Variants in TANC1 observed in about 807,000 individuals in gnomAD.
TANC1 encodes the protein tetratricopeptide repeat, ankyrin repeat and coiled-coil containing 1.
TANC1 carries 77 observed loss-of-function variants against 149.7 expected under a neutral mutation model. The ratio of observed to expected loss-of-function variants is 0.51; its 90% CI spans 0.43 to 0.62. The LOEUF (loss-of-function observed/expected upper bound fraction) is 0.62, where lower values mean the gene tolerates loss of function less well. Among genes scored for constraint, TANC1 ranks in the 20% least tolerant of loss-of-function variants. The pLI is 0.00. For synonymous variants in TANC1, 854 were observed against 925.0 expected, an observed-to-expected ratio of 0.92 and a Z score of 1.39; for missense variants, 1,985 against 2,321.8, an observed-to-expected ratio of 0.85 and a Z score of 2.98.
At chr2:158,993,156 A>G (rs1439852919) in intron 1 of TANC1, among the ~76,000 whole-genome samples, 1 of 152,238 alleles carries the variant, frequency 6.6e-6, no homozygotes, top group Non-Finnish European at 1.5e-5. Context: ...GAAAGGAGTC[A>G]GATTAAACGG....
chr2:159,228,932 T>G (rs768823924), intron 26 of TANC1, 36 bp downstream of exon 26: 1 of 1,559,498 alleles, frequency 6.4e-7, no homozygotes, highest in Non-Finnish European at 8.8e-7. Flanking sequence ...CTAGAGCTTT[T>G]TTTCTTGTGG....
intron 1 of TANC1, among the ~76,000 whole-genome samples, chr2:158,977,629 T>A (rs1206824088): frequency 1.3e-5 from 2 of 150,922 alleles, no homozygotes; most frequent in Admixed American, 1.3e-4. Context: ...TTTTTTTTTT[T>A]AACTGATAGT....
At chr2:159,219,126 T>C in intron 20 of TANC1, 112 bp from the exon 21 acceptor site, 1 of 1,424,012 alleles carries the variant, frequency 7.0e-7, no homozygotes, top group Non-Finnish European at 9.8e-7. Flanking sequence ...AACTTACAGA[T>C]TTTTGAAAGA....
At chr2:159,195,551 T>G (rs547376875) in intron 17 of TANC1, among the ~76,000 whole-genome samples, 1 of 152,388 alleles carries the variant, frequency 6.6e-6, no homozygotes, top group East Asian at 1.9e-4. Flanking sequence ...AATTATCTTT[T>G]GTCTTTTAAT....
chr2:159,019,033 C>CA (rs1489695869), intron 2 of TANC1, among the ~76,000 whole-genome samples: 3 of 152,262 alleles, frequency 2.0e-5, no homozygotes, highest in Non-Finnish European at 2.9e-5. Flanking sequence ...CATTGACACT[C>CA]ATGCTAGCTC....
intron 3 of TANC1, among the ~76,000 whole-genome samples, chr2:159,091,413 T>C (rs765303760): frequency 4.6e-5 from 7 of 152,306 alleles, no homozygotes; most frequent in African/African-American, 1.7e-4. Flanking sequence ...AAAAAGAGCA[T>C]TTATTTTAAA....
At chr2:159,144,822 T>A (rs1285737660) in intron 5 of TANC1, among the ~76,000 whole-genome samples, 1 of 152,140 alleles carries the variant, frequency 6.6e-6, no homozygotes, top group African/African-American at 2.4e-5. Flanking sequence ...AGAGGATAAG[T>A]GAGAAGCAGG....
At chr2:159,128,053 A>G (rs138589852) in intron 4 of TANC1, among the ~76,000 whole-genome samples, 28 of 152,352 alleles carry the variant, frequency 1.8e-4, no homozygotes, top group Non-Finnish European at 3.8e-4. Flanking sequence ...GAGTGGTGTT[A>G]GGTGACTTTT....
At position 159,194,334 on chromosome 2, in the gene TANC1, C is replaced by T. The variant is rs201860716; in HGVS notation, c.2820C>T (p.Cys940=). The change falls in exon 17 of 27, where the codon TGC becomes TGT. Residue 940 remains cysteine (C), a synonymous_variant. Transcript: ENST00000263635. ...TEVLNNAPIL[C]VQSHLGHEEV... The stretch of plus-strand genomic sequence containing the variant: ...TGTTAAATAATGCCCCAATCCTGTG[C>T]GTCCAGTCTCACCTTGGCCACGAGG... 9.3e-6 allele frequency: 15 copies of T among 1,614,250 alleles called. No individual in the cohort carries two copies. Among genetic ancestry groups the T allele is most frequent in the Admixed American group, 5.0e-5 (3 of 60,032 alleles).
At chr2:159,190,723 T>C (rs2057378458) in intron 16 of TANC1, among the ~76,000 whole-genome samples, 1 of 152,128 alleles carries the variant, frequency 6.6e-6, no homozygotes, top group East Asian at 1.9e-4. Flanking sequence ...AGCTAATTTT[T>C]GTATTTTTAG....
Position 159,140,254 on chromosome 2 carries a change from GAA to G in TANC1, c.364+3962_364+3963del, listed in dbSNP as rs1194435864. Among the ~76,000 whole-genome samples, 5 of 151,562 alleles carry G rather than the reference GAA, an allele frequency of 3.3e-5. No homozygotes were observed. The East Asian group carries it at 9.7e-4, about 29-fold the overall frequency. ...AAAAAGTGAAAAAAAGAATATGATT[GAA>G]AAAAATGCATAGTCATGTTTTATTT... On this transcript the variant is annotated intron_variant, in intron 5 of 26. Coordinates refer to ENST00000263635, the MANE Select transcript of TANC1 (RefSeq NM_033394.3).
chr2:159,129,221 C>T (rs2049820751), intron 4 of TANC1, among the ~76,000 whole-genome samples: 1 of 152,188 alleles, frequency 6.6e-6, no homozygotes, highest in Non-Finnish European at 1.5e-5. Flanking sequence ...AACCGAAACA[C>T]TCAGAAATGA....
In TANC1 at chr2:159,232,023, A is replaced by G. The variant is rs1020887472; in HGVS notation, c.*1011A>G. The G allele has an allele frequency of 2.6e-5, 4 of 152,666 alleles. No homozygotes were observed. The highest frequency in any genetic ancestry group is 7.2e-5 in the African/African-American group (3 of 41,466). The allele number at this position is 152,666 out of a possible 1,614,324, so 9.5% of individuals were successfully genotyped here. A position where few individuals can be genotyped will look rare whatever the true frequency, so the allele number is the denominator to read the frequency against. On this transcript the variant is annotated 3_prime_UTR_variant, in exon 27 of 27. Transcript: ENST00000263635. ...TTTCAATGTAGTTAATCTAAAAACAAAAAAGAAAACCCCAGTCACGATTTG... is the reference window on the plus strand; with the variant it reads ...TTTCAATGTAGTTAATCTAAAAACAGAAAAGAAAACCCCAGTCACGATTTG...
At chr2:159,131,137 T>A (rs909602792) in intron 4 of TANC1, among the ~76,000 whole-genome samples, 1 of 152,038 alleles carries the variant, frequency 6.6e-6, no homozygotes, top group Non-Finnish European at 1.5e-5. Flanking sequence ...TCAGATCTCA[T>A]AGCTGGGGGC....
Position 159,178,643 on chromosome 2 carries a change from G to A in TANC1, c.1990G>A (p.Val664Ile), listed in dbSNP as rs753420185. ...KDIHSDLHAY[V>I]QHRVHSSQDI... ...CATCCACAGTGACCTGCACGCCTAC[G>A]TCCAGCACAGGGTGCACAGCAGCCA... Residue 664 changes from valine to isoleucine, a missense_variant, in exon 14 of 27, where the codon GTC (valine) becomes ATC (isoleucine). Physicochemically the swap from Val to Ile is conservative, Grantham distance 29. Transcript: ENST00000263635. 8.7e-6 allele frequency: 14 copies of A among 1,613,988 alleles called. No individual in the cohort carries two copies. The highest frequency in any genetic ancestry group is 1.3e-5 in the African/African-American group (1 of 74,898).
Position 159,034,112 on chromosome 2 carries a change from A to G in TANC1, c.-15-31784A>G, listed in dbSNP as rs374599865. ...AATATTCTTTACAGATGAGCTTTGA[A>G]TTGCTGCCTCTTGGCCCTGCCTCTA... On this transcript the variant is annotated intron_variant, in intron 2 of 26. Coordinates refer to ENST00000263635, the MANE Select transcript of TANC1 (RefSeq NM_033394.3). 1.2e-4 allele frequency among the ~76,000 whole-genome samples: 19 copies of G among 152,316 alleles called. No individual in the cohort carries two copies. In the East Asian group the frequency reaches 3.3e-3, roughly 26 times the overall value.
chr2:159,097,319 A>G (rs2046242981), intron 3 of TANC1, among the ~76,000 whole-genome samples: 1 of 152,158 alleles, frequency 6.6e-6, no homozygotes, highest in Non-Finnish European at 1.5e-5. Context: ...TCTGAGATCA[A>G]AGCTTCTTGT....
At chr2:159,193,960 G>A (rs539908553) in intron 16 of TANC1, among the ~76,000 whole-genome samples, 3 of 152,156 alleles carry the variant, frequency 2.0e-5, no homozygotes, top group East Asian at 1.9e-4. Flanking sequence ...CTGGCCCCAA[G>A]CAATCCTCCC....
intron 1 of TANC1, among the ~76,000 whole-genome samples, chr2:158,981,258 C>T (rs964123241): frequency 6.6e-6 from 1 of 150,872 alleles, no homozygotes; most frequent in Admixed American, 6.6e-5. Context: ...AGTTCGGGAC[C>T]CTGGGCAACA....
Sources: allele counts gnomAD v4.1 joint callset (sites outside exome capture counted in the v4.1 genomes callset), GRCh38; gene constraint gnomAD v4.1.1; transcripts MANE v1.5; gene names NCBI Gene and HGNC (gene_info 2026-07-23, HGNC 2026-07-21).